Variants in TCF25 observed in about 807,000 individuals in gnomAD.
TCF25 encodes ribosome quality control complex subunit TCF25.
TCF25 carries 41 observed loss-of-function variants against 83.1 expected under a neutral mutation model. The observed-to-expected ratio is 0.49, with a 90% confidence interval of 0.38 to 0.64. TCF25 has a LOEUF of 0.64. Among genes scored for constraint, TCF25 ranks in the 30% least tolerant of loss-of-function variants. TCF25 has a pLI of 0.00. For missense variants in TCF25, 979 were observed against 914.5 expected (o/e 1.07, Z -0.91); for synonymous variants, 458 against 365.0 (o/e 1.25, Z -2.90).
intron 14 of TCF25, 136 bp from the exon 15 acceptor site, chr16:89,906,058 G>A (rs2144270328): frequency 1.3e-6 from 1 of 763,598 alleles, no homozygotes. Flanking sequence ...CGAGAGTAAA[G>A]TGTACAGTTT....
intron 11 of TCF25, among the ~76,000 whole-genome samples, chr16:89,900,107 CTG>C (rs1470401653): frequency 1.3e-5 from 2 of 152,168 alleles, no homozygotes; most frequent in African/African-American, 2.4e-5. Flanking sequence ...GGTCACAAAA[CTG>C]TGAGTCTGTG....
intron 14 of TCF25, among the ~76,000 whole-genome samples, chr16:89,905,554 T>C (rs1019952975): frequency 3.3e-5 from 5 of 152,242 alleles, no homozygotes; most frequent in Admixed American, 6.5e-5. Flanking sequence ...CCCTTGGCCC[T>C]GTGCTAGTTC....
In TCF25 at chr16:89,873,681, C is replaced by T; in HGVS notation, c.14C>T (p.Ala5Val). MSRRALRRLRGEQRG... is the reference protein window; with the variant it reads MSRRVLRRLRGEQRG... The stretch of plus-strand genomic sequence containing the variant: ...TCGTTCGGTCCTATGTCGCGCCGGG[C>T]CCTCCGGAGGCTGAGGGGGGAACAG... The change falls in exon 1 of 18, where the codon GCC (alanine) becomes GTC (valine). Residue 5 changes from alanine to valine, a missense_variant. Transcript: ENST00000263346. The T allele has an allele frequency of 6.3e-7, 1 of 1,595,022 alleles. No individual in the cohort carries two copies. Among genetic ancestry groups the T allele is most frequent in the Non-Finnish European group, 8.5e-7 (1 of 1,174,064 alleles).
chr16:89,885,352 C>G (rs2042923969), intron 3 of TCF25, among the ~76,000 whole-genome samples: 1 of 152,176 alleles, frequency 6.6e-6, no homozygotes, highest in Non-Finnish European at 1.5e-5. Context: ...CCTTCTAGTT[C>G]TGGTGCTCCT....
chr16:89,900,291 T>G (rs1231270217), intron 11 of TCF25, among the ~76,000 whole-genome samples: 1 of 151,798 alleles, frequency 6.6e-6, no homozygotes, highest in Admixed American at 6.6e-5. Context: ...CGCGCGGGGG[T>G]GGGCTGCTCT....
chr16:89,906,016 G>A lies in TCF25; in HGVS notation c.1629-178G>A, dbSNP rs1242156587. The A allele has an allele frequency of 8.6e-5, 51 of 593,088 alleles. 2 individuals are homozygous for A. The highest frequency in any genetic ancestry group is 8.4e-4 in the South Asian group (41 of 49,090). 36.7% of individuals were successfully genotyped at this position (593,088 alleles called of 1,614,324 possible). On this transcript the variant is annotated intron_variant, in intron 14 of 17. Transcript: ENST00000263346. ...ATTGGTCCCCAGAGGCTCCCCAGCC[G>A]CAGGCCAGGGACCAGCCATGGTGCC... is the stretch of plus-strand genomic sequence containing the variant.
At chr16:89,874,907 C>T (rs1209791181) in intron 1 of TCF25, 2 of 152,160 alleles carry the variant, frequency 1.3e-5, no homozygotes, top group African/African-American at 4.8e-5. Flanking sequence ...AGTCACCATG[C>T]TTGGTTGACT....
chr16:89,891,994 G>T (rs1314580961), intron 5 of TCF25, among the ~76,000 whole-genome samples, 199 bp from the exon 6 acceptor site: 1 of 152,066 alleles, frequency 6.6e-6, no homozygotes, highest in African/African-American at 2.4e-5. Flanking sequence ...CTCTCTATGG[G>T]GCCCTCCCTG....
intron 7 of TCF25, 98 bp downstream of exon 7, chr16:89,893,956 C>G (rs1200651807): frequency 2.0e-6 from 3 of 1,505,594 alleles, no homozygotes; most frequent in Non-Finnish European, 1.8e-6. Context: ...GGCATGCTGC[C>G]TCCTGCCCTT....
intron 1 of TCF25, among the ~76,000 whole-genome samples, chr16:89,880,327 T>C (rs568250601): frequency 3.9e-5 from 6 of 152,340 alleles, no homozygotes; most frequent in African/African-American, 1.2e-4. Flanking sequence ...CTCACGCCTG[T>C]AATCCCAGCA....
At chr16:89,903,323 C>T (rs1375051647) in intron 12 of TCF25, among the ~76,000 whole-genome samples, 1 of 152,254 alleles carries the variant, frequency 6.6e-6, no homozygotes, top group Non-Finnish European at 1.5e-5. Flanking sequence ...TTCCACTGGG[C>T]ACAGGTGGCC....
At chr16:89,884,465 C>A in intron 2 of TCF25, 117 bp from the exon 3 acceptor site, 2 of 1,002,532 alleles carry the variant, frequency 2.0e-6, no homozygotes, top group Non-Finnish European at 3.0e-6. Context: ...ACTTTTGGGA[C>A]ACGGAGGGAG....
intron 12 of TCF25, among the ~76,000 whole-genome samples, chr16:89,903,066 C>T (rs561324061): frequency 6.6e-6 from 1 of 152,242 alleles, no homozygotes; most frequent in Non-Finnish European, 1.5e-5. Context: ...TCTGGGGCTG[C>T]ATGCAGCTGG....
At chr16:89,903,339 T>G (rs2044503609) in intron 12 of TCF25, among the ~76,000 whole-genome samples, 1 of 152,170 alleles carries the variant, frequency 6.6e-6, no homozygotes. Flanking sequence ...TGGCCTCCGC[T>G]CCCACCAGCC....
rs1389913548 is a variant in TCF25, at chr16:89,906,216, G to A, written c.1651G>A (p.Ala551Thr). The A allele has an allele frequency of 6.2e-7, 1 of 1,613,400 alleles. No homozygotes were observed. Among genetic ancestry groups the A allele is most frequent in the Non-Finnish European group, 8.5e-7 (1 of 1,179,994 alleles). ...TAGGCGGAAGGTGCTCTACCAGCGT[G>A]CACCCAGGAATATCCACCGCCATGT... ...ENRRKVLYQR[A>T]PRNIHRHVIL... The change falls in exon 15 of 18, where the codon GCA (alanine) becomes ACA (threonine). Residue 551 changes from alanine (A) to threonine (T), a missense_variant. Ala to Thr is a moderately conservative substitution (Grantham distance 58). Transcript: ENST00000263346.
chr16:89,873,809 C>G lies in TCF25; in HGVS notation c.142C>G (p.Pro48Ala), dbSNP rs746696128. ...GPKRELGVRR[P>A]GGAGKEGVRV... ...CAAGCGGGAGCTTGGTGTCCGGCGT[C>G]CCGGGGGCGCAGGGAAGGAGGGCGT... The change falls in exon 1 of 18, where the codon CCC becomes GCC. Residue 48 changes from proline to alanine, a missense_variant. By Grantham distance (27) the Pro-to-Ala change is conservative. Coordinates refer to ENST00000263346, the MANE Select transcript of TCF25 (RefSeq NM_014972.3). The G allele has an allele frequency of 6.3e-7, 1 of 1,597,266 alleles. No individual in the cohort carries two copies. Among genetic ancestry groups the G allele is most frequent in the South Asian group, 1.1e-5 (1 of 89,070 alleles).
At chr16:89,900,371 G>C (rs1001784483) in intron 11 of TCF25, among the ~76,000 whole-genome samples, 1 of 151,948 alleles carries the variant, frequency 6.6e-6, no homozygotes, top group East Asian at 2.0e-4. Context: ...CGGCAGGTGG[G>C]ACCCTCACTC....
intron 4 of TCF25, 191 bp downstream of exon 4, chr16:89,886,157 G>T (rs1401030424): frequency 1.7e-6 from 1 of 601,292 alleles, no homozygotes; most frequent in East Asian, 3.5e-5. Context: ...GCTGGGCGTG[G>T]TGGCTCACGC....
rs1178194741 is a variant in TCF25, at chr16:89,898,826, G to A, written c.1175G>A (p.Arg392Gln). 10 of 1,613,724 alleles carry A rather than the reference G, an allele frequency of 6.2e-6. No homozygotes were observed. The highest frequency in any genetic ancestry group is 7.6e-6 in the Non-Finnish European group (9 of 1,180,048). Residue 392 changes from arginine (R) to glutamine (Q), a missense_variant, in exon 11 of 18, where the codon CGG becomes CAG. Arg to Gln is a conservative substitution (Grantham distance 43). Coordinates refer to ENST00000263346, the MANE Select transcript of TCF25 (RefSeq NM_014972.3). ...MLLLIDHLAL[R>Q]ARNYEYLIRL... Reference sequence around the variant, plus strand: ...CTGCTCATCGACCACCTGGCCTTGCGGGCCCGGAACTACGAGTACCTGATC... The same window carrying A: ...CTGCTCATCGACCACCTGGCCTTGCAGGCCCGGAACTACGAGTACCTGATC...
Sources: gnomAD v4.1 joint callset for allele counts (sites outside exome capture counted in the v4.1 genomes callset) on GRCh38, gnomAD v4.1.1 for gene constraint, MANE v1.5 for transcripts, NCBI Gene and HGNC (gene_info 2026-07-23, HGNC 2026-07-21) for gene names.